Variants in MEGF6 observed in about 807,000 individuals in gnomAD.
MEGF6 encodes the protein multiple epidermal growth factor-like domains protein 6.
A neutral mutation model predicts 207.1 loss-of-function variants in MEGF6; 184 were observed. The ratio of observed to expected loss-of-function variants is 0.89; its 90% CI spans 0.79 to 1.00. MEGF6 has a LOEUF of 1.00. Among genes scored for constraint, MEGF6 ranks in the 50% least tolerant of loss-of-function variants. The pLI, the probability that MEGF6 is intolerant of heterozygous loss-of-function variation, is 0.00. For synonymous variants in MEGF6, 1,038 were observed against 910.0 expected, an observed-to-expected ratio of 1.14 and a Z score of -2.53; for missense variants, 2,282 against 2,202.9, an observed-to-expected ratio of 1.04 and a Z score of -0.72.
At position 3,602,107 on chromosome 1, in the gene MEGF6, A is replaced by G. The variant is rs187775454; in HGVS notation, c.266+359T>C. Among the ~76,000 whole-genome samples the G allele has an allele frequency of 5.3e-5, 8 of 152,364 alleles. No homozygotes were observed. In the East Asian group the frequency reaches 1.4e-3, roughly 26 times the overall value. On this transcript the variant is annotated intron_variant, in intron 2 of 36. Transcript: ENST00000356575. ...AAAAGTTTCACGTGTGTTGGGGAAC[A>G]AGGCCCTAGGGCCAAGAAGCAGCAG...
chr1:3,582,476 C>T (rs1399968532), intron 3 of MEGF6, among the ~76,000 whole-genome samples: 7 of 152,196 alleles, frequency 4.6e-5, no homozygotes, highest in Non-Finnish European at 1.5e-5. Context: ...GACACCAAGG[C>T]CACCGTCATC....
intron 4 of MEGF6, among the ~76,000 whole-genome samples, chr1:3,530,916 A>ACCCACCCCCGTC (rs1481557181): frequency 4.6e-5 from 7 of 152,092 alleles, no homozygotes; most frequent in Admixed American, 2.6e-4. Flanking sequence ...GCGCCCACGG[A>ACCCACCCCCGTC]CCCTGTCCCA....
chr1:3,541,040 C>T (rs1211256892), intron 4 of MEGF6, among the ~76,000 whole-genome samples: 1 of 152,202 alleles, frequency 6.6e-6, no homozygotes, highest in Admixed American at 6.5e-5. Context: ...GTCAGCAGCC[C>T]AGGTGTCAGG....
chr1:3,521,447 C>A (rs1282857473), intron 5 of MEGF6, among the ~76,000 whole-genome samples: 1 of 152,194 alleles, frequency 6.6e-6, no homozygotes, highest in African/African-American at 2.4e-5. Context: ...CGCAGGAGAC[C>A]CCCCACAGGG....
the MEGF6 span, among the ~76,000 whole-genome samples, chr1:3,622,397 TC>T: frequency 1.3e-5 from 2 of 152,212 alleles, no homozygotes; most frequent in Non-Finnish European, 2.9e-5. Context: ...TCCTAAGGTC[TC>T]CCCAGTCATG....
chr1:3,567,794 C>G (rs1372969909), intron 4 of MEGF6, among the ~76,000 whole-genome samples: 1 of 152,194 alleles, frequency 6.6e-6, no homozygotes, highest in Non-Finnish European at 1.5e-5. Context: ...TCCTCCGGGA[C>G]CTGGTGCAGG....
At chr1:3,570,952 C>T (rs573700335) in intron 4 of MEGF6, among the ~76,000 whole-genome samples, 15 of 152,286 alleles carry the variant, frequency 9.8e-5, no homozygotes, top group East Asian at 7.7e-4. Context: ...CTGTGGCACA[C>T]GGGGACACAC....
At chr1:3,593,009 C>T (rs894688766) in intron 3 of MEGF6, among the ~76,000 whole-genome samples, 3 of 152,122 alleles carry the variant, frequency 2.0e-5, no homozygotes, top group East Asian at 1.9e-4. Context: ...CCCTCCACCC[C>T]ACTCCGGCCA....
At chr1:3,603,860 G>T (rs527343096) in intron 1 of MEGF6, among the ~76,000 whole-genome samples, 16 of 152,368 alleles carry the variant, frequency 1.1e-4, no homozygotes, top group African/African-American at 3.1e-4. Flanking sequence ...CCAGATGGAG[G>T]CTCTTGCAAT....
chr1:3,541,740 C>T (rs1044391105), intron 4 of MEGF6, among the ~76,000 whole-genome samples: 2 of 151,716 alleles, frequency 1.3e-5, no homozygotes, highest in Admixed American at 6.6e-5. Context: ...TGTGAAAGGC[C>T]GAGCCCACAG....
the MEGF6 span, among the ~76,000 whole-genome samples, chr1:3,621,322 G>A: frequency 2.0e-5 from 3 of 152,340 alleles, no homozygotes; most frequent in South Asian, 2.1e-4. Flanking sequence ...TGGTGTTACC[G>A]CTAGACCAAG....
At chr1:3,586,220 CTGTG>C (rs1643892615) in intron 3 of MEGF6, among the ~76,000 whole-genome samples, 1 of 151,968 alleles carries the variant, frequency 6.6e-6, no homozygotes, top group Non-Finnish European at 1.5e-5. Context: ...GACACATGTC[CTGTG>C]TGTGGGTGTG....
rs751405979 is a variant in MEGF6, at chr1:3,506,252, C to T, written c.1790-16G>A. On this transcript the variant is annotated splice_polypyrimidine_tract_variant and intron_variant, in intron 14 of 36. Transcript: ENST00000356575. ...TTGGGGCAGCCTGGGGGCAGCGGGG[C>T]TCCATGTGAACCTTGGTGGCAGCCA... 14 of 1,606,554 alleles carry T rather than the reference C, an allele frequency of 8.7e-6. No individual in the cohort carries two copies. The East Asian group carries it at 3.1e-4, about 36-fold the overall frequency.
intron 4 of MEGF6, among the ~76,000 whole-genome samples, chr1:3,561,186 C>A (rs977876262): frequency 6.6e-6 from 1 of 152,162 alleles, no homozygotes; most frequent in Non-Finnish European, 1.5e-5. Flanking sequence ...GGGGGAGATG[C>A]AGGCTTTGAG....
At chr1:3,531,843 AG>A (rs1425045408) in intron 4 of MEGF6, among the ~76,000 whole-genome samples, 1 of 148,042 alleles carries the variant, frequency 6.8e-6, no homozygotes, top group Non-Finnish European at 1.5e-5. Flanking sequence ...GGGGCGGGGG[AG>A]GGGGGCCTGC....
At chr1:3,502,990 G>A (rs1050132323) in intron 17 of MEGF6, among the ~76,000 whole-genome samples, 1 of 152,176 alleles carries the variant, frequency 6.6e-6, no homozygotes, top group Non-Finnish European at 1.5e-5. Flanking sequence ...CCCCAAGAAG[G>A]CAGTTGACAG....
the MEGF6 span, among the ~76,000 whole-genome samples, chr1:3,624,129 C>T: frequency 6.6e-6 from 1 of 152,154 alleles, no homozygotes; most frequent in Non-Finnish European, 1.5e-5. Context: ...TGCACCTCGC[C>T]TCGTGTGTCT....
intron 4 of MEGF6, chr1:3,546,973 G>T (rs983395659): frequency 1.5e-5 from 3 of 193,640 alleles, no homozygotes; most frequent in African/African-American, 7.2e-5. Context: ...GAGGCAGGGT[G>T]GCAGTGGGCT....
At chr1:3,502,774 G>C (rs1640956700) in intron 17 of MEGF6, among the ~76,000 whole-genome samples, 2 of 152,160 alleles carry the variant, frequency 1.3e-5, no homozygotes, top group South Asian at 4.1e-4. Flanking sequence ...CTCCCTGGCA[G>C]AGCTTTCCTC....
Sources: allele counts gnomAD v4.1 joint callset (sites outside exome capture counted in the v4.1 genomes callset), GRCh38; gene constraint gnomAD v4.1.1; transcripts MANE v1.5; gene names NCBI Gene and HGNC (gene_info 2026-07-23, HGNC 2026-07-21).